Variants in SLC12A1 observed in about 807,000 individuals in gnomAD.
The protein encoded by SLC12A1 is solute carrier family 12 member 1, also known as Na-K-2Cl cotransporter.
Under a neutral mutation model 130.4 loss-of-function variants are expected in SLC12A1, and 89 were observed. The observed-to-expected ratio is 0.68, with a 90% CI of 0.58 to 0.81. The LOEUF (loss-of-function observed/expected upper bound fraction) is 0.81. Among genes scored for constraint, SLC12A1 ranks in the 40% least tolerant of loss-of-function variants. SLC12A1 has a pLI of 0.00. For missense variants in SLC12A1, 1,310 were observed against 1,336.4 expected (o/e 0.98, Z 0.31); for synonymous variants, 499 against 460.0 (o/e 1.08, Z -1.09).
intron 23 of SLC12A1, among the ~76,000 whole-genome samples, chr15:48,290,206 T>A (rs1295308824): frequency 6.6e-6 from 1 of 151,658 alleles, no homozygotes; most frequent in Non-Finnish European, 1.5e-5. Context: ...CTATCCAGGG[T>A]CAGGATCATC....
At chr15:48,269,536 T>C (rs978902190) in intron 18 of SLC12A1, 122 bp from the exon 19 acceptor site, 1 of 531,106 alleles carries the variant, frequency 1.9e-6, no homozygotes, top group Non-Finnish European at 3.4e-6. Context: ...CACTAAAATG[T>C]AATCTAATCT....
chr15:48,220,136 TA>T (rs1310498202), intron 2 of SLC12A1, among the ~76,000 whole-genome samples: 4 of 109,042 alleles, frequency 3.7e-5, no homozygotes, highest in South Asian at 2.9e-4. Context: ...AAAAGGTAGA[TA>T]GATAGATAGA....
intron 24 of SLC12A1, among the ~76,000 whole-genome samples, chr15:48,298,080 A>G (rs2042196872): frequency 6.6e-6 from 1 of 152,226 alleles, no homozygotes; most frequent in South Asian, 2.1e-4. Context: ...GCTCCTTTGT[A>G]ATCTCTGCAC....
chr15:48,277,399 T>C (rs530597855), intron 20 of SLC12A1, among the ~76,000 whole-genome samples: 2 of 152,172 alleles, frequency 1.3e-5, no homozygotes, highest in South Asian at 4.2e-4. Context: ...TATGTGGATT[T>C]GTGAGAGTAG....
chr15:48,270,166 C>A (rs1414056594), intron 19 of SLC12A1, among the ~76,000 whole-genome samples: 1 of 152,138 alleles, frequency 6.6e-6, no homozygotes, highest in East Asian at 1.9e-4. Context: ...TTCACTATCC[C>A]AGAGCCCTAT....
At chr15:48,241,201 T>C (rs935199522) in intron 9 of SLC12A1, among the ~76,000 whole-genome samples, 2 of 152,210 alleles carry the variant, frequency 1.3e-5, no homozygotes, top group African/African-American at 2.4e-5. Context: ...ATGAAATTCA[T>C]AGGAGATAAA....
At chr15:48,208,664 G>T (rs2041012436) in intron 2 of SLC12A1, among the ~76,000 whole-genome samples, 1 of 152,166 alleles carries the variant, frequency 6.6e-6, no homozygotes. Flanking sequence ...AACTCTAAAT[G>T]TTAGGCAATA....
chr15:48,302,934 G>C lies in SLC12A1; in HGVS notation c.*49G>C. The C allele has an allele frequency of 7.2e-7, 1 of 1,389,546 alleles. No individual in the cohort carries two copies. Among genetic ancestry groups the C allele is most frequent in the Non-Finnish European group, 1.0e-6 (1 of 992,352 alleles). The allele number at this position is 1,389,546 out of a possible 1,614,324, so 86.1% of individuals were successfully genotyped here. A position where few individuals can be genotyped will look rare whatever the true frequency, so the allele number is the denominator to read the frequency against. ...TTAACTTAATGTAATGCATAATTAAGAAACATGTTCCAGTACTTTATGTTG... is the reference window on the plus strand; with the variant it reads ...TTAACTTAATGTAATGCATAATTAACAAACATGTTCCAGTACTTTATGTTG... On this transcript the variant is annotated 3_prime_UTR_variant, in exon 27 of 27. Coordinates refer to ENST00000380993, the MANE Select transcript of SLC12A1 (RefSeq NM_000338.3).
chr15:48,299,146 A>G lies in SLC12A1; in HGVS notation c.2967A>G (p.Lys989=). 6.3e-7 allele frequency: 1 copy of G among 1,599,058 alleles called. No individual in the cohort carries two copies. Among genetic ancestry groups the G allele is most frequent in the Non-Finnish European group, 8.5e-7 (1 of 1,175,722 alleles). The stretch of plus-strand genomic sequence containing the variant: ...TTTATAATTCAAATTTTAGCTGGAA[A>G]GTCTTTGAAGAGATGATTGAACCAT... ...INIRPNKESW[K]VFEEMIEPYR... is the part of the protein sequence containing the mutation. Residue 989 remains lysine, a synonymous_variant, in exon 25 of 27, where the codon AAA becomes AAG. Coordinates refer to ENST00000380993, the MANE Select transcript of SLC12A1 (RefSeq NM_000338.3).
At chr15:48,221,158 A>G (rs2041209719) in intron 4 of SLC12A1, among the ~76,000 whole-genome samples, 162 bp downstream of exon 4, 1 of 152,246 alleles carries the variant, frequency 6.6e-6, no homozygotes, top group Non-Finnish European at 1.5e-5. Context: ...TCAGAAAGCA[A>G]AGGTGAAGAG....
intron 23 of SLC12A1, among the ~76,000 whole-genome samples, chr15:48,289,045 T>C (rs569774742): frequency 6.6e-6 from 1 of 151,906 alleles, no homozygotes; most frequent in East Asian, 1.9e-4. Context: ...CCCCAGTTTC[T>C]CCTTTGTAGT....
At chr15:48,237,290 A>G in intron 9 of SLC12A1, 1 of 433,678 alleles carries the variant, frequency 2.3e-6, no homozygotes, top group South Asian at 3.8e-5. Context: ...GAATTATTTT[A>G]AGTGCAGAGT....
chr15:48,251,367 G>A (rs2041646407), intron 14 of SLC12A1, among the ~76,000 whole-genome samples: 1 of 151,406 alleles, frequency 6.6e-6, no homozygotes, highest in Non-Finnish European at 1.5e-5. Flanking sequence ...GAGTATGGAG[G>A]GTCCTGAATG....
chr15:48,218,945 G>C (rs1256618152), intron 2 of SLC12A1, among the ~76,000 whole-genome samples: 2 of 152,190 alleles, frequency 1.3e-5, no homozygotes, highest in Admixed American at 1.3e-4. Context: ...AAAAAGAGCT[G>C]TTTCCTGCCC....
intron 24 of SLC12A1, among the ~76,000 whole-genome samples, chr15:48,293,698 T>C (rs1217402094): frequency 6.6e-6 from 1 of 152,242 alleles, no homozygotes; most frequent in Non-Finnish European, 1.5e-5. Context: ...TCATATTCTT[T>C]GAGGTTATTC....
intron 19 of SLC12A1, among the ~76,000 whole-genome samples, chr15:48,272,376 A>C (rs1478430841): frequency 6.6e-6 from 1 of 152,180 alleles, no homozygotes; most frequent in Non-Finnish European, 1.5e-5. Flanking sequence ...CTTTGAATAA[A>C]AGATTTTAAA....
At chr15:48,295,617 T>C (rs1224906313) in intron 24 of SLC12A1, among the ~76,000 whole-genome samples, 1 of 152,196 alleles carries the variant, frequency 6.6e-6, no homozygotes, top group Non-Finnish European at 1.5e-5. Context: ...AGAGAATTAA[T>C]TTTTTTGTCA....
chr15:48,267,471 G>A, intron 17 of SLC12A1, 90 bp from the exon 18 acceptor site: 1 of 1,378,140 alleles, frequency 7.3e-7, no homozygotes, highest in Non-Finnish European at 1.0e-6. Flanking sequence ...ACTCAATGGG[G>A]CATTGCTGGC....
chr15:48,241,016 G>T (rs537996269), intron 9 of SLC12A1, among the ~76,000 whole-genome samples: 7 of 152,040 alleles, frequency 4.6e-5, no homozygotes, highest in African/African-American at 1.7e-4. Context: ...TTCAAATAGG[G>T]GATTTAAGGG....
Sources: gnomAD v4.1 joint callset for allele counts (sites outside exome capture counted in the v4.1 genomes callset) on GRCh38, gnomAD v4.1.1 for gene constraint, MANE v1.5 for transcripts, NCBI Gene and HGNC (gene_info 2026-07-23, HGNC 2026-07-21) for gene names.